The following BOD1L1 variants were observed in gnomAD, a reference collection of about 807,000 sequenced individuals.
BOD1L1 encodes the protein biorientation of chromosomes in cell division 1 like 1, also known as biorientation of chromosomes in cell division protein 1-like 1.
A neutral mutation model predicts 240.7 loss-of-function variants in BOD1L1; 86 were observed. That is an observed-to-expected ratio of 0.36 (90% CI 0.30 to 0.43). BOD1L1 has a LOEUF of 0.43. BOD1L1 is among the 20% of genes least tolerant of loss of function. The pLI, the probability that BOD1L1 is intolerant of heterozygous loss-of-function variation, is 1.00. For synonymous variants in BOD1L1, 1,268 were observed against 1,272.3 expected (o/e 1.00, Z 0.07); for missense variants, 3,554 against 3,643.5 (o/e 0.98, Z 0.63).
Position 13,613,746 on chromosome 4 carries a change from A to C in BOD1L1, c.1175-85T>G. 1 of 1,145,412 alleles carries C rather than the reference A, an allele frequency of 8.7e-7. No homozygotes were observed. Among genetic ancestry groups the C allele is most frequent in the Non-Finnish European group, 1.2e-6 (1 of 864,138 alleles). 71.0% of individuals were successfully genotyped at this position (1,145,412 alleles called of 1,614,324 possible). The stretch of plus-strand genomic sequence containing the variant: ...AGCTCAATTACTAAATTACACTTAA[A>C]ATTTTCTGCTTTAAATACGTGTCAA... On this transcript the variant is annotated intron_variant, in intron 4 of 25. Coordinates refer to ENST00000040738, the MANE Select transcript of BOD1L1 (RefSeq NM_148894.3). This position sits in a 1 kb window ranked among gnomAD's most constrained non-coding sequence, Gnocchi z 4.0.
Position 13,627,373 on chromosome 4 carries a change from C to A in BOD1L1, c.215G>T (p.Arg72Ile). ...KSQGLFDQFR[R>I]DCLADVDTKP... ...GGTGTCCACGTCGGCCAGGCAGTCT[C>A]TGCGGAACTGGTCGAAGAGCCCCTG... The change falls in exon 1 of 26, where the codon AGA (arginine) becomes ATA (isoleucine). Residue 72 changes from arginine to isoleucine, a missense_variant. By Grantham distance (97) the Arg-to-Ile change is moderately conservative. Coordinates refer to ENST00000040738, the MANE Select transcript of BOD1L1 (RefSeq NM_148894.3). 7.3e-7 allele frequency: 1 copy of A among 1,365,098 alleles called. No homozygotes were observed. The highest frequency in any genetic ancestry group is 9.5e-7 in the Non-Finnish European group (1 of 1,049,004). The allele number at this position is 1,365,098 out of a possible 1,614,324, so 84.6% of individuals were successfully genotyped here.
At chr4:13,582,908 T>TA (rs891969767) in intron 17 of BOD1L1, among the ~76,000 whole-genome samples, 172 bp from the exon 18 acceptor site, 50 of 152,106 alleles carry the variant, frequency 3.3e-4, no homozygotes, top group African/African-American at 1.1e-3. Context: ...AGTGAGACCA[T>TA]AAAAAAAATA....
intron 25 of BOD1L1, among the ~76,000 whole-genome samples, chr4:13,574,206 C>A (rs1712502577): frequency 1.3e-5 from 2 of 152,112 alleles, no homozygotes; most frequent in South Asian, 4.2e-4. Flanking sequence ...GCTTTCCCTG[C>A]CACTGAGGTC....
At position 13,600,147 on chromosome 4, in the gene BOD1L1, G is replaced by A. The variant is rs775645849; in HGVS notation, c.6753C>T (p.Asp2251=). The A allele has an allele frequency of 1.5e-5, 25 of 1,613,796 alleles. No homozygotes were observed. Among genetic ancestry groups the A allele is most frequent in the South Asian group, 3.3e-5 (3 of 91,072 alleles). The change falls in exon 10 of 26, where the codon GAC becomes GAT. Residue 2251 remains aspartate, a synonymous_variant. Coordinates refer to ENST00000040738, the MANE Select transcript of BOD1L1 (RefSeq NM_148894.3). ...ERAGTVMEEK[D]GSGIISTSSV... ...AGCTCGTAGAGATGATGCCACTCCCGTCTTTTTCTTCCATGACTGTGCCAG... is the reference window on the plus strand; with the variant it reads ...AGCTCGTAGAGATGATGCCACTCCCATCTTTTTCTTCCATGACTGTGCCAG...
Position 13,602,237 on chromosome 4 carries a change from T to TG in BOD1L1, c.4662dup (p.Thr1555HisfsTer4). On this transcript the variant is annotated frameshift_variant, in exon 10 of 26. Transcript: ENST00000040738. LOFTEE classifies it high-confidence loss of function. ...AGGCCTTCATCTGCCTCAATGCTGG[T>TG]GCAAGGCAAAGCCACCTCACTTTGT... 1 of 1,613,854 alleles carries TG rather than the reference T, an allele frequency of 6.2e-7. No individual in the cohort carries two copies. Among genetic ancestry groups the TG allele is most frequent in the Non-Finnish European group, 8.5e-7 (1 of 1,179,802 alleles).
intron 12 of BOD1L1, among the ~76,000 whole-genome samples, chr4:13,595,428 A>G (rs929440784): frequency 6.6e-6 from 1 of 152,180 alleles, no homozygotes; most frequent in Non-Finnish European, 1.5e-5. Context: ...ACAAGCTGAG[A>G]GCAGTATCTG....
At position 13,627,363 on chromosome 4, in the gene BOD1L1, C is replaced by G; in HGVS notation, c.225G>C (p.Leu75=). 1 of 1,341,734 alleles carries G rather than the reference C, an allele frequency of 7.5e-7. No homozygotes were observed. The highest frequency in any genetic ancestry group is 9.7e-7 in the Non-Finnish European group (1 of 1,035,512). 83.1% of individuals were successfully genotyped at this position (1,341,734 alleles called of 1,614,324 possible). The change falls in exon 1 of 26, where the codon CTG becomes CTC. Residue 75 remains leucine, a synonymous_variant. Transcript: ENST00000040738. The part of the protein sequence containing the change: ...GLFDQFRRDC[L]ADVDTKPAYQ... ...TCCTAACCTTGGTGTCCACGTCGGC[C>G]AGGCAGTCTCTGCGGAACTGGTCGA...
intron 17 of BOD1L1, 103 bp downstream of exon 17, chr4:13,586,293 G>C (rs1300714591): frequency 1.8e-6 from 1 of 544,918 alleles, no homozygotes; most frequent in Non-Finnish European, 3.2e-6. Flanking sequence ...CATTTAAAGA[G>C]GGATAGTAAA....
chr4:13,591,020 G>A lies in BOD1L1; in HGVS notation c.8149-574C>T, dbSNP rs113400800. ...GAGAACATGCCAGCTGGCTCGGTAAGCTCCAACCCCATTTAAAGTCTTTTT... is the reference window on the plus strand; with the variant it reads ...GAGAACATGCCAGCTGGCTCGGTAAACTCCAACCCCATTTAAAGTCTTTTT... On this transcript the variant is annotated intron_variant, in intron 13 of 25. Coordinates refer to ENST00000040738, the MANE Select transcript of BOD1L1 (RefSeq NM_148894.3). Among the ~76,000 whole-genome samples, 1,345 of 152,040 alleles carry A rather than the reference G, an allele frequency of 8.8e-3. 14 individuals are homozygous for A. Among genetic ancestry groups the A allele is most frequent in the Non-Finnish European group, 0.014 (926 of 67,976 alleles).
chr4:13,602,288 CA>C lies in BOD1L1; in HGVS notation c.4611del (p.Ala1538ProfsTer27). 6.2e-7 allele frequency: 1 copy of C among 1,613,836 alleles called. No individual in the cohort carries two copies. The highest frequency in any genetic ancestry group is 1.3e-5 in the African/African-American group (1 of 75,048). On this transcript the variant is annotated frameshift_variant, in exon 10 of 26. Coordinates refer to ENST00000040738, the MANE Select transcript of BOD1L1 (RefSeq NM_148894.3). LOFTEE classifies it high-confidence loss of function. ...CTTGTTTCTGAAGAAGTGGTTGTGG[CA>C]GGCCCAGCCTTCACTGGACTTAAGG... ...DVTLSPVKAG[P>X]ATTTSSETRQ...
In BOD1L1 at chr4:13,603,866, G is replaced by T; in HGVS notation, c.3034C>A (p.Leu1012Ile). The T allele has an allele frequency of 6.2e-7, 1 of 1,613,460 alleles. No homozygotes were observed. The highest frequency in any genetic ancestry group is 8.5e-7 in the Non-Finnish European group (1 of 1,179,866). Residue 1012 changes from leucine to isoleucine, a missense_variant, in exon 10 of 26, where the codon CTT (leucine) becomes ATT (isoleucine). Physicochemically the swap from Leu to Ile is conservative, Grantham distance 5. Around this residue, in one of 2 missense-constraint regions of BOD1L1, gnomAD observed 3,393 missense variants for 3,427.1 expected, o/e 0.99. Coordinates refer to ENST00000040738, the MANE Select transcript of BOD1L1 (RefSeq NM_148894.3). ...TGGCCATCTGACAACTTTCTCTCAA[G>T]CCTGGTGGAAGTGGAGTCTTTATCA... ...KSDKDSTSTR[L>I]ERKLSDGHKS... is the part of the protein sequence containing the mutation.
chr4:13,609,487 G>T, intron 6 of BOD1L1, 81 bp from the exon 7 acceptor site: 3 of 900,866 alleles, frequency 3.3e-6, no homozygotes, highest in Non-Finnish European at 3.2e-6. Flanking sequence ...TAAAGTTTTA[G>T]TTTACCCTTC....
rs751787387 is a variant in BOD1L1 at position 13,607,101 on chromosome 4, T to C, written c.1815+16A>G. ...TAACAAAACAGCATTTGAAATGAGG[T>C]TTTATTAAGGCATACCTCACTTGTT... On this transcript the variant is annotated intron_variant, in intron 9 of 25. Transcript: ENST00000040738. 2.3e-5 allele frequency: 35 copies of C among 1,504,762 alleles called. 1 individual carries two copies. The highest frequency in any genetic ancestry group is 2.8e-5 in the Non-Finnish European group (31 of 1,112,832). The allele number at this position is 1,504,762 out of a possible 1,614,324, so 93.2% of individuals were successfully genotyped here.
chr4:13,583,415 A>G (rs1713395182), intron 17 of BOD1L1, among the ~76,000 whole-genome samples: 1 of 152,200 alleles, frequency 6.6e-6, no homozygotes, highest in South Asian at 2.1e-4. Flanking sequence ...TTTTTAATAG[A>G]AATATATTCT....
Position 13,602,197 on chromosome 4 carries a change from T to G in BOD1L1, c.4703A>C (p.His1568Pro). Residue 1568 changes from histidine to proline, a missense_variant, in exon 10 of 26, where the codon CAT becomes CCT. Around this residue, in one of 2 missense-constraint regions of BOD1L1, gnomAD observed 3,393 missense variants for 3,427.1 expected, o/e 0.99. Coordinates refer to ENST00000040738, the MANE Select transcript of BOD1L1 (RefSeq NM_148894.3). ...EADEGLIIGT[H>P]SRNNPLHVGA... ...AACATGAAGAGGATTATTTCTGGAA[T>G]GTGTTCCTATTATGAGGCCTTCATC... 1 of 1,613,762 alleles carries G rather than the reference T, an allele frequency of 6.2e-7. No homozygotes were observed. The highest frequency in any genetic ancestry group is 8.5e-7 in the Non-Finnish European group (1 of 1,179,732).
Position 13,614,691 on chromosome 4 carries a change from C to T in BOD1L1, c.679G>A (p.Ala227Thr). 1 of 1,613,860 alleles carries T rather than the reference C, an allele frequency of 6.2e-7. No homozygotes were observed. Among genetic ancestry groups the T allele is most frequent in the Non-Finnish European group, 8.5e-7 (1 of 1,179,850 alleles). The change falls in exon 4 of 26, where the codon GCC becomes ACC. Residue 227 changes from alanine (A) to threonine (T), a missense_variant. By Grantham distance (58) the Ala-to-Thr change is moderately conservative. Around this residue, in one of 2 missense-constraint regions of BOD1L1, gnomAD observed 3,393 missense variants for 3,427.1 expected, o/e 0.99. Coordinates refer to ENST00000040738, the MANE Select transcript of BOD1L1 (RefSeq NM_148894.3). ...TTTGACGCTCTCTCACTGGTCTTGG[C>T]ATTTGATGTTTCTGTTGAAGCCCTA... Reference protein sequence around the residue: ...AARASTETSNAKTSERASKKL... With the variant: ...AARASTETSNTKTSERASKKL...
Position 13,601,968 on chromosome 4 carries a change from G to A in BOD1L1, c.4932C>T (p.Ser1644=), listed in dbSNP as rs144172082. 4,425 of 1,613,868 alleles carry A rather than the reference G, an allele frequency of 2.7e-3. 9 individuals are homozygous for A. The highest frequency in any genetic ancestry group is 3.7e-3 in the Admixed American group (225 of 60,016). The part of the protein sequence containing the change: ...HAVKIEANVN[S]VVTEEKDDAV... ...CATCATCCTTTTCCTCTGTCACAAC[G>A]CTATTTACATTGGCTTCGATTTTAA... The change falls in exon 10 of 26, where the codon AGC becomes AGT. Residue 1644 remains serine (S), a synonymous_variant. Transcript: ENST00000040738.
At chr4:13,575,048 T>G (rs759943302) in intron 25 of BOD1L1, among the ~76,000 whole-genome samples, 1 of 152,008 alleles carries the variant, frequency 6.6e-6, no homozygotes, top group Non-Finnish European at 1.5e-5. Flanking sequence ...GCTTCCCAAG[T>G]AGCTGGGATT....
chr4:13,609,773 T>C (rs1716011691), intron 6 of BOD1L1, among the ~76,000 whole-genome samples: 1 of 152,138 alleles, frequency 6.6e-6, no homozygotes, highest in Non-Finnish European at 1.5e-5. Context: ...CAAGTATATA[T>C]AGGTAGGTGT....
Sources: allele counts gnomAD v4.1 joint callset (sites outside exome capture counted in the v4.1 genomes callset), GRCh38; gene constraint gnomAD v4.1.1; regional missense constraint gnomAD v4.1.1; non-coding constraint Gnocchi (gnomAD v3.1); transcripts MANE v1.5; gene names NCBI Gene and HGNC (gene_info 2026-07-23, HGNC 2026-07-21).